The following HAAO variants were observed in gnomAD, a reference collection of about 807,000 sequenced individuals.
HAAO encodes the protein 3-hydroxyanthranilate 3,4-dioxygenase.
HAAO carries 49 observed loss-of-function variants against 46.2 expected under a neutral mutation model. The ratio of observed to expected loss-of-function variants is 1.06; its 90% CI spans 0.84 to 1.34. HAAO has a LOEUF of 1.34. Ranked by LOEUF, HAAO falls within the 40% of genes most tolerant of loss-of-function variation. The pLI, the probability that HAAO is intolerant of heterozygous loss-of-function variation, is 0.00. For synonymous variants in HAAO, 157 were observed against 145.2 expected (o/e 1.08, Z -0.58); for missense variants, 408 against 364.5 (o/e 1.12, Z -0.97).
chr2:42,773,299 C>G (rs2104644433), intron 4 of HAAO, among the ~76,000 whole-genome samples: 1 of 152,334 alleles, frequency 6.6e-6, no homozygotes, highest in Non-Finnish European at 1.5e-5. Flanking sequence ...AGCCAGGCAT[C>G]TGGCACATAG....
intron 4 of HAAO, among the ~76,000 whole-genome samples, chr2:42,773,556 G>C (rs1671308504): frequency 6.6e-6 from 1 of 150,754 alleles, no homozygotes; most frequent in African/African-American, 2.4e-5. Context: ...GTCAAGCTGA[G>C]AACTGCTTAG....
chr2:42,782,771 A>T, intron 4 of HAAO: 1 of 346,876 alleles, frequency 2.9e-6, no homozygotes, highest in South Asian at 2.3e-5. Flanking sequence ...TCTACCTGTG[A>T]CCTGGAAGCC....
At chr2:42,771,239 A>G (rs1362161348) in intron 4 of HAAO, among the ~76,000 whole-genome samples, 1 of 150,754 alleles carries the variant, frequency 6.6e-6, no homozygotes, top group Non-Finnish European at 1.5e-5. Flanking sequence ...TAATAAATAA[A>G]TACAAAAAAT....
chr2:42,769,612 T>C, intron 7 of HAAO, 101 bp downstream of exon 7: 1 of 759,138 alleles, frequency 1.3e-6, no homozygotes. Flanking sequence ...TGTGAGTGTG[T>C]GTGTGAAAGA....
At position 42,792,550 on chromosome 2, in the gene HAAO, G is replaced by C; in HGVS notation, c.-14C>G. On this transcript the variant is annotated 5_prime_UTR_variant, in exon 1 of 10. Coordinates refer to ENST00000294973, the MANE Select transcript of HAAO (RefSeq NM_012205.3). ...GCGGCGCTCCATGACTGTCCCGGGC[G>C]CCTCCTCGCAGCGCTGTCCTCCCGC... is the stretch of plus-strand genomic sequence containing the variant. The C allele has an allele frequency of 6.5e-7, 1 of 1,543,428 alleles. No homozygotes were observed. The highest frequency in any genetic ancestry group is 8.7e-7 in the Non-Finnish European group (1 of 1,147,456).
rs1265331288 is a variant in HAAO, at chr2:42,788,402, C to A, written c.159+127G>T. 9.8e-6 allele frequency: 7 copies of A among 712,084 alleles called. No individual in the cohort carries two copies. The East Asian group carries it at 1.0e-4, about 11-fold the overall frequency. The allele number at this position is 712,084 out of a possible 1,614,324, so 44.1% of individuals were successfully genotyped here. On this transcript the variant is annotated intron_variant, in intron 2 of 9. Coordinates refer to ENST00000294973, the MANE Select transcript of HAAO (RefSeq NM_012205.3). Reference sequence around the variant, plus strand: ...TGTGATTTCAGCTGTGCCCCCTCCACTCATCAGCCACATGTCCACCCCTCT... The same window carrying A: ...TGTGATTTCAGCTGTGCCCCCTCCAATCATCAGCCACATGTCCACCCCTCT...
chr2:42,770,109 AG>A, intron 6 of HAAO, 33 bp downstream of exon 6: 1 of 1,588,306 alleles, frequency 6.3e-7, no homozygotes, highest in Non-Finnish European at 8.6e-7. Context: ...AAGGGGAGGG[AG>A]GGAAGGAGAA....
chr2:42,777,160 G>T (rs1179838356), intron 4 of HAAO, among the ~76,000 whole-genome samples: 1 of 151,606 alleles, frequency 6.6e-6, no homozygotes, highest in Non-Finnish European at 1.5e-5. Context: ...AAAATTAGCT[G>T]GGTGTGGTTG....
intron 4 of HAAO, among the ~76,000 whole-genome samples, chr2:42,781,085 A>C (rs1002115251): frequency 2.6e-5 from 4 of 152,080 alleles, no homozygotes; most frequent in African/African-American, 7.2e-5. Context: ...TCAAAAAAAA[A>C]CACAACAATT....
intron 4 of HAAO, among the ~76,000 whole-genome samples, chr2:42,771,484 C>T (rs918793049): frequency 6.6e-6 from 1 of 151,784 alleles, no homozygotes; most frequent in Admixed American, 6.6e-5. Context: ...CAGAAGATGT[C>T]CCCCAGTTTA....
chr2:42,772,417 G>T (rs910877366), intron 4 of HAAO, among the ~76,000 whole-genome samples: 4 of 150,994 alleles, frequency 2.6e-5, no homozygotes, highest in Non-Finnish European at 4.4e-5. Context: ...GGAGGCAGAG[G>T]TTGCAGTGAG....
chr2:42,774,210 G>A lies in HAAO; in HGVS notation c.351-3628C>T, dbSNP rs185658046. Among the ~76,000 whole-genome samples, 348 of 152,300 alleles carry A rather than the reference G, an allele frequency of 2.3e-3. 2 individuals are homozygous for A. The highest frequency in any genetic ancestry group is 6.8e-3 in the Middle Eastern group (2 of 294). ...GACCTCCTGAGGCTGTGTCACGAGC[G>A]TGCATCCTCAACCTTGGCAAAATAA... is the stretch of plus-strand genomic sequence containing the variant. On this transcript the variant is annotated intron_variant, in intron 4 of 9. Transcript: ENST00000294973.
At chr2:42,777,043 TG>T (rs1419294911) in intron 4 of HAAO, among the ~76,000 whole-genome samples, 6 of 151,294 alleles carry the variant, frequency 4.0e-5, no homozygotes, top group African/African-American at 1.4e-4. Context: ...GGCTCACACC[TG>T]TAATCCCAGC....
chr2:42,788,700 C>T (rs1672570169), intron 1 of HAAO, 93 bp from the exon 2 acceptor site: 1 of 837,108 alleles, frequency 1.2e-6, no homozygotes, highest in Non-Finnish European at 2.1e-6. Context: ...AGCCTGAGGG[C>T]CCCTGGGAGA....
intron 7 of HAAO, among the ~76,000 whole-genome samples, chr2:42,768,382 G>T (rs997834136): frequency 2.0e-5 from 3 of 152,218 alleles, no homozygotes; most frequent in Non-Finnish European, 4.4e-5. Flanking sequence ...ACTGTGCAGG[G>T]CCGTGCTGCT....
At chr2:42,786,842 G>T (rs919558606) in intron 2 of HAAO, among the ~76,000 whole-genome samples, 4 of 152,206 alleles carry the variant, frequency 2.6e-5, no homozygotes, top group East Asian at 3.9e-4. Context: ...GGTTTGGTAA[G>T]AGGTGTGATT....
chr2:42,775,201 T>A (rs1021807376), intron 4 of HAAO, among the ~76,000 whole-genome samples: 1 of 138,494 alleles, frequency 7.2e-6, no homozygotes, highest in Admixed American at 8.0e-5. Context: ...GAGCCGAGAT[T>A]GCACCACTAC....
At chr2:42,772,421 C>T (rs560864356) in intron 4 of HAAO, among the ~76,000 whole-genome samples, 1 of 149,750 alleles carries the variant, frequency 6.7e-6, no homozygotes, top group East Asian at 2.0e-4. Context: ...GCAGAGGTTG[C>T]AGTGAGCCGA....
chr2:42,784,476 T>C (rs750391488), intron 2 of HAAO, among the ~76,000 whole-genome samples: 52 of 91,804 alleles, frequency 5.7e-4, no homozygotes, highest in Non-Finnish European at 9.5e-4. Context: ...GGTTAGGGGC[T>C]GTGGGGGATG....
Sources: allele counts gnomAD v4.1 joint callset (sites outside exome capture counted in the v4.1 genomes callset), GRCh38; gene constraint gnomAD v4.1.1; transcripts MANE v1.5; gene names NCBI Gene and HGNC (gene_info 2026-07-23, HGNC 2026-07-21).